The following MYL1 variants were observed in gnomAD, a reference collection of about 807,000 sequenced individuals.
MYL1 encodes myosin light chain 1/3, skeletal muscle isoform.
Under a neutral mutation model 21.8 loss-of-function variants are expected in MYL1, and 16 were observed. The ratio of observed to expected loss-of-function variants is 0.74; its 90% CI spans 0.50 to 1.12. The LOEUF (loss-of-function observed/expected upper bound fraction) is 1.12, where lower values mean the gene tolerates loss of function less well. MYL1 is among the 50% of genes most tolerant of loss of function. MYL1 has a pLI of 0.00. For missense variants in MYL1, 246 were observed against 241.0 expected (o/e 1.02, Z -0.14); for synonymous variants, 99 against 85.2 (o/e 1.16, Z -0.89).
intron 1 of MYL1, among the ~76,000 whole-genome samples, chr2:210,309,080 A>T (rs964491615): frequency 6.6e-6 from 1 of 151,978 alleles, no homozygotes; most frequent in Non-Finnish European, 1.5e-5. Context: ...TGATGAAATA[A>T]CTTCTCTCAT....
intron 3 of MYL1, 133 bp from the exon 4 acceptor site, chr2:210,294,551 T>TA: frequency 1.3e-6 from 1 of 783,272 alleles, no homozygotes; most frequent in African/African-American, 1.8e-5. Flanking sequence ...GGTAAATTGC[T>TA]AAAATATCAA....
At chr2:210,310,197 A>G (rs187316763) in intron 1 of MYL1, among the ~76,000 whole-genome samples, 165 of 152,258 alleles carry the variant, frequency 1.1e-3, no homozygotes, top group African/African-American at 3.8e-3. Context: ...AAAAGAAAAC[A>G]AACTTTTAAG....
At chr2:210,297,642 C>T (rs1449430134) in intron 3 of MYL1, among the ~76,000 whole-genome samples, 1 of 151,806 alleles carries the variant, frequency 6.6e-6, no homozygotes, top group Non-Finnish European at 1.5e-5. Context: ...GACTATTATA[C>T]TTTTCAATAA....
chr2:210,298,608 C>T (rs202221296), intron 2 of MYL1, 45 bp from the exon 3 acceptor site: 8 of 1,608,616 alleles, frequency 5.0e-6, no homozygotes, highest in Non-Finnish European at 6.0e-6. Flanking sequence ...CTTCCTCTAA[C>T]CTATTAATTA....
intron 5 of MYL1, among the ~76,000 whole-genome samples, chr2:210,291,881 T>A (rs1033409894): frequency 2.0e-5 from 3 of 152,272 alleles, no homozygotes; most frequent in Middle Eastern, 3.4e-3. Flanking sequence ...AGAGACTAAG[T>A]CTCTCCAGAA....
At chr2:210,310,849 A>G (rs1363023975) in intron 1 of MYL1, among the ~76,000 whole-genome samples, 3 of 152,096 alleles carry the variant, frequency 2.0e-5, no homozygotes, top group African/African-American at 7.2e-5. Flanking sequence ...GCTCCTTTAC[A>G]CATTCTTAGA....
At chr2:210,298,701 C>T (rs906799232) in intron 2 of MYL1, 138 bp from the exon 3 acceptor site, 14 of 918,682 alleles carry the variant, frequency 1.5e-5, no homozygotes, top group Non-Finnish European at 2.2e-5. Context: ...CCTGGATTCT[C>T]TTTTTGTATC....
chr2:210,299,896 A>G (rs1372046065), intron 2 of MYL1, among the ~76,000 whole-genome samples: 2 of 152,142 alleles, frequency 1.3e-5, no homozygotes, highest in East Asian at 3.9e-4. Flanking sequence ...TAGATAGATT[A>G]CTCAGCAAAG....
intron 3 of MYL1, among the ~76,000 whole-genome samples, chr2:210,295,686 G>T (rs1219702257): frequency 6.6e-6 from 1 of 151,846 alleles, no homozygotes; most frequent in African/African-American, 2.4e-5. Context: ...GTTTGGCTGG[G>T]TGTGGTGGCT....
intron 5 of MYL1, among the ~76,000 whole-genome samples, chr2:210,293,126 TA>T (rs1286515622): frequency 6.6e-6 from 1 of 152,216 alleles, no homozygotes; most frequent in Non-Finnish European, 1.5e-5. Flanking sequence ...TCTTACAAAT[TA>T]AAAAATTTTT....
At chr2:210,295,700 G>A (rs1042889921) in intron 3 of MYL1, among the ~76,000 whole-genome samples, 4 of 151,540 alleles carry the variant, frequency 2.6e-5, no homozygotes, top group Non-Finnish European at 4.4e-5. Flanking sequence ...GGTGGCTCAC[G>A]CCTATAATCC....
chr2:210,303,690 G>T, intron 1 of MYL1: 1 of 1,208,012 alleles, frequency 8.3e-7, no homozygotes, highest in Non-Finnish European at 1.1e-6. Context: ...AGGTTTCAGA[G>T]ATAAGTTGCC....
chr2:210,291,328 G>T (rs1408064396), intron 5 of MYL1, among the ~76,000 whole-genome samples: 1 of 152,050 alleles, frequency 6.6e-6, no homozygotes, highest in African/African-American at 2.4e-5. Flanking sequence ...GGGTCTCATT[G>T]TGTTGTCAAG....
intron 3 of MYL1, among the ~76,000 whole-genome samples, chr2:210,298,039 G>T (rs1690203764): frequency 1.3e-5 from 2 of 151,994 alleles, no homozygotes; most frequent in Admixed American, 6.6e-5. Context: ...GAAAAAATGT[G>T]CAGATTTGGA....
intron 5 of MYL1, among the ~76,000 whole-genome samples, chr2:210,292,424 C>T (rs1690092265): frequency 6.6e-6 from 1 of 152,102 alleles, no homozygotes; most frequent in Non-Finnish European, 1.5e-5. Context: ...AGTTTGTCAT[C>T]TTATTTTATT....
intron 1 of MYL1, among the ~76,000 whole-genome samples, chr2:210,304,136 C>T (rs570632828): frequency 3.3e-5 from 5 of 152,266 alleles, no homozygotes; most frequent in South Asian, 2.1e-4. Context: ...TTTCTTAGAG[C>T]GCACCCAAGT....
At chr2:210,294,173 G>T in intron 4 of MYL1, 72 bp downstream of exon 4, 1 of 1,380,848 alleles carries the variant, frequency 7.2e-7, no homozygotes, top group Non-Finnish European at 9.6e-7. Flanking sequence ...TTTTGGTAGT[G>T]ACATGATTCT....
At chr2:210,290,796 A>C (rs1004326997) in intron 6 of MYL1, among the ~76,000 whole-genome samples, 1 of 152,168 alleles carries the variant, frequency 6.6e-6, no homozygotes, top group African/African-American at 2.4e-5. Flanking sequence ...CAGTACAGTC[A>C]CAAAGATAGA....
At chr2:210,306,074 A>AT (rs1559662959) in intron 1 of MYL1, among the ~76,000 whole-genome samples, 1 of 105,436 alleles carries the variant, frequency 9.5e-6, no homozygotes, top group African/African-American at 3.9e-5. Context: ...AAAAAAATAA[A>AT]TTAAAAAAAT....
Sources: allele counts gnomAD v4.1 joint callset (sites outside exome capture counted in the v4.1 genomes callset), GRCh38; gene constraint gnomAD v4.1.1; transcripts MANE v1.5; gene names NCBI Gene and HGNC (gene_info 2026-07-23, HGNC 2026-07-21).